The following KCNQ1 variants were observed in gnomAD, a reference collection of about 807,000 sequenced individuals.
The protein encoded by KCNQ1 is potassium voltage-gated channel subfamily KQT member 1.
KCNQ1 carries 49 observed loss-of-function variants against 72.4 expected under a neutral mutation model. The observed-to-expected ratio is 0.68, with a 90% CI of 0.54 to 0.86. The LOEUF (loss-of-function observed/expected upper bound fraction) is 0.86. Ranked by LOEUF, KCNQ1 falls within the 40% of genes least tolerant of loss-of-function variation. The probability of loss-of-function intolerance (pLI) is 0.00; values close to 1 mark genes in which losing one functional copy is unlikely to be tolerated. For synonymous variants in KCNQ1, 450 were observed against 412.6 expected (o/e 1.09, Z -1.10); for missense variants, 790 against 945.1 (o/e 0.84, Z 2.15).
In KCNQ1 at chr11:2,654,253, T is replaced by C; in HGVS notation, c.1394-7708T>C. ...GATGCCCCTGGGGAGGGCTTCTCCT[T>C]CACAGTGCAGGATCCGCAGGGCTTT... On this transcript the variant is annotated intron_variant, in intron 10 of 15. Coordinates refer to ENST00000155840, the MANE Select transcript of KCNQ1 (RefSeq NM_000218.3). This position sits in a 1 kb window ranked among gnomAD's most constrained non-coding sequence, Gnocchi z 6.4. 1 of 398,476 alleles carries C rather than the reference T, an allele frequency of 2.5e-6. No homozygotes were observed. The highest frequency in any genetic ancestry group is 4.4e-6 in the Non-Finnish European group (1 of 226,154). The allele number at this position is 398,476 out of a possible 1,614,324, so 24.7% of individuals were successfully genotyped here. A position where few individuals can be genotyped will look rare whatever the true frequency, so the allele number is the denominator to read the frequency against.
In KCNQ1 at chr11:2,817,318, C is replaced by T. The variant is rs770940186; in HGVS notation, c.1795-30449C>T. Among the ~76,000 whole-genome samples the T allele has an allele frequency of 8.9e-4, 135 of 152,260 alleles. No individual in the cohort carries two copies. The highest frequency in any genetic ancestry group is 1.6e-3 in the Non-Finnish European group (110 of 68,008). The stretch of plus-strand genomic sequence containing the variant: ...GGACAGAACCCACGGCGGCCCTTTC[C>T]GTGGCTTCAGCCAGTTTCTGAGCGC... On this transcript the variant is annotated intron_variant, in intron 15 of 15. Transcript: ENST00000155840. The surrounding 1 kb of genome is among the most constrained non-coding windows in gnomAD (Gnocchi z 6.1).
chr11:2,623,773 T>C lies in KCNQ1; in HGVS notation c.1393+34919T>C, dbSNP rs2133807416. On this transcript the variant is annotated intron_variant, in intron 10 of 15. Transcript: ENST00000155840. This position sits in a 1 kb window ranked among gnomAD's most constrained non-coding sequence, Gnocchi z 5.2. ...ATGTGAATATAAGTCTTCACCTCCT[T>C]TGAGTAAATACCAAGGATGTGATTG... The C allele has an allele frequency of 2.5e-6, 1 of 398,566 alleles. No homozygotes were observed. Among genetic ancestry groups the C allele is most frequent in the African/African-American group, 2.1e-5 (1 of 48,750 alleles). The allele number at this position is 398,566 out of a possible 1,614,324, so 24.7% of individuals were successfully genotyped here.
In KCNQ1 at chr11:2,776,889, C is replaced by T. The variant is rs562698152; in HGVS notation, c.1686-97C>T. ...CCAGAGTGGGTGGACAGTCCACTGTCTTGCCGGGCACGTCAAGCTGTCTGT... is the reference window on the plus strand; with the variant it reads ...CCAGAGTGGGTGGACAGTCCACTGTTTTGCCGGGCACGTCAAGCTGTCTGT... On this transcript the variant is annotated intron_variant, in intron 13 of 15. Coordinates refer to ENST00000155840, the MANE Select transcript of KCNQ1 (RefSeq NM_000218.3). The T allele has an allele frequency of 9.0e-5, 112 of 1,242,240 alleles. No individual in the cohort carries two copies. In the Middle Eastern group the frequency reaches 1.9e-3, roughly 21 times the overall value. The allele number at this position is 1,242,240 out of a possible 1,614,324, so 77.0% of individuals were successfully genotyped here. A position where few individuals can be genotyped will look rare whatever the true frequency, so the allele number is the denominator to read the frequency against.
At position 2,653,856 on chromosome 11, in the gene KCNQ1, C is replaced by T. The variant is rs1441452861; in HGVS notation, c.1394-8105C>T. On this transcript the variant is annotated intron_variant, in intron 10 of 15. Transcript: ENST00000155840. The surrounding 1 kb of genome is among the most constrained non-coding windows in gnomAD (Gnocchi z 5.3). ...TGGGGATGGCCAGAGGGTACCTAAA[C>T]ACTGCACACTAGGAGTGGGAAAGGA... is the stretch of plus-strand genomic sequence containing the variant. The T allele has an allele frequency of 5.0e-6, 2 of 398,496 alleles. No individual in the cohort carries two copies. The highest frequency in any genetic ancestry group is 8.8e-6 in the Non-Finnish European group (2 of 226,086). 24.7% of individuals were successfully genotyped at this position (398,496 alleles called of 1,614,324 possible).
intron 15 of KCNQ1, among the ~76,000 whole-genome samples, chr11:2,814,321 C>T (rs1024346879): frequency 8.1e-6 from 1 of 122,828 alleles, no homozygotes; most frequent in Non-Finnish European, 1.7e-5. Context: ...ATGGATGGAT[C>T]GATGGGTGTG....
intron 1 of KCNQ1, among the ~76,000 whole-genome samples, chr11:2,460,269 G>A (rs1388195141): frequency 2.0e-5 from 3 of 152,326 alleles, no homozygotes; most frequent in South Asian, 4.1e-4. Context: ...GCAGGGCGGC[G>A]GAGCCTGTGC....
intron 10 of KCNQ1, chr11:2,625,867 C>G: frequency 5.0e-6 from 2 of 398,688 alleles, no homozygotes; most frequent in Non-Finnish European, 8.8e-6. Context: ...CCGTGCCTGG[C>G]CCTTTTGCCC....
rs1329938326 is a variant in KCNQ1 at position 2,608,645 on chromosome 11, G to A, written c.1393+19791G>A. ...CCAGCTGTTATTCAAAAAATATTTT[G>A]TAGAGATAGGGTCTTGCTTTGTTGT... On this transcript the variant is annotated intron_variant, in intron 10 of 15. Coordinates refer to ENST00000155840, the MANE Select transcript of KCNQ1 (RefSeq NM_000218.3). This position sits in a 1 kb window ranked among gnomAD's most constrained non-coding sequence, Gnocchi z 4.6. 2.5e-6 allele frequency: 1 copy of A among 398,358 alleles called. No individual in the cohort carries two copies. The highest frequency in any genetic ancestry group is 2.1e-5 in the African/African-American group (1 of 48,556). The allele number at this position is 398,358 out of a possible 1,614,324, so 24.7% of individuals were successfully genotyped here. A position where few individuals can be genotyped will look rare whatever the true frequency, so the allele number is the denominator to read the frequency against.
In KCNQ1 at chr11:2,446,449, G is replaced by A. The variant is rs140674736; in HGVS notation, c.386+965G>A. On this transcript the variant is annotated intron_variant, in intron 1 of 15. Transcript: ENST00000155840. This position sits in a 1 kb window ranked among gnomAD's most constrained non-coding sequence, Gnocchi z 8.8. Reference sequence around the variant, plus strand: ...GGGCTGAAGGGTGGTCTCCCTGAGCGTCCTCAGGTGGAAGCATCTCCTCTG... The same window carrying A: ...GGGCTGAAGGGTGGTCTCCCTGAGCATCCTCAGGTGGAAGCATCTCCTCTG... 3.3e-5 allele frequency among the ~76,000 whole-genome samples: 5 copies of A among 152,296 alleles called. No homozygotes were observed. The highest frequency in any genetic ancestry group is 2.1e-4 in the South Asian group (1 of 4,826).
In KCNQ1 at chr11:2,653,338, C is replaced by T. The variant is rs186052905; in HGVS notation, c.1394-8623C>T. 1.5e-5 allele frequency: 6 copies of T among 398,742 alleles called. No individual in the cohort carries two copies. The highest frequency in any genetic ancestry group is 8.8e-5 in the Admixed American group (2 of 22,742). 24.7% of individuals were successfully genotyped at this position (398,742 alleles called of 1,614,324 possible). On this transcript the variant is annotated intron_variant, in intron 10 of 15. Transcript: ENST00000155840. The surrounding 1 kb of genome is among the most constrained non-coding windows in gnomAD (Gnocchi z 5.3). The stretch of plus-strand genomic sequence containing the variant: ...CCTTGACTGCCCCCAGGCCCATGTC[C>T]GTAGGCTCACACCTCACCCCCAACT...
chr11:2,584,524 AGT>A (rs377530797), intron 7 of KCNQ1, among the ~76,000 whole-genome samples: 409 of 128,492 alleles, frequency 3.2e-3, no homozygotes, highest in Admixed American at 0.019. Flanking sequence ...TTTGTGTGTT[AGT>A]GTGTGTGTTA....
intron 10 of KCNQ1, chr11:2,625,912 T>A (rs904351811): frequency 2.5e-6 from 1 of 398,474 alleles, no homozygotes; most frequent in Non-Finnish European, 4.4e-6. Context: ...GTGATGACTT[T>A]TAGAAGTTCT....
chr11:2,646,452 A>G (rs976411604), intron 10 of KCNQ1: 9 of 398,374 alleles, frequency 2.3e-5, no homozygotes, highest in Admixed American at 4.4e-5. Flanking sequence ...TTTTGTAGCT[A>G]TTGCAAATGG....
intron 11 of KCNQ1, chr11:2,675,949 T>C (rs141106727): frequency 5.8e-4 from 233 of 398,642 alleles, no homozygotes; most frequent in African/African-American, 4.6e-3. Flanking sequence ...GTAAAACCAA[T>C]TCAGAGTACA....
chr11:2,634,288 T>G, intron 10 of KCNQ1: 2 of 349,528 alleles, frequency 5.7e-6, no homozygotes, highest in Non-Finnish European at 5.1e-6. Flanking sequence ...TCATTTACCT[T>G]AGGTATATCT....
In KCNQ1 at chr11:2,759,640, C is replaced by A. The variant is rs1470175602; in HGVS notation, c.1515-9204C>A. On this transcript the variant is annotated intron_variant, in intron 11 of 15. Transcript: ENST00000155840. This position sits in a 1 kb window ranked among gnomAD's most constrained non-coding sequence, Gnocchi z 4.4. ...TTTTCTTTCCATCTCCACTCCCAGG[C>A]AAAGCTGATAAATTCTTCCTTATTC... Among the ~76,000 whole-genome samples, 1 of 152,200 alleles carries A rather than the reference C, an allele frequency of 6.6e-6. No individual in the cohort carries two copies. The highest frequency in any genetic ancestry group is 1.5e-5 in the Non-Finnish European group (1 of 68,032).
rs1849144486 is a variant in KCNQ1 at position 2,620,213 on chromosome 11, T to TTTTTA, written c.1393+31363_1393+31364insATTTT. 4.0e-5 allele frequency: 10 copies of TTTTTA among 247,240 alleles called. No homozygotes were observed. Among genetic ancestry groups the TTTTTA allele is most frequent in the African/African-American group, 3.0e-4 (10 of 33,760 alleles). The allele number at this position is 247,240 out of a possible 1,614,324, so 15.3% of individuals were successfully genotyped here. A position where few individuals can be genotyped will look rare whatever the true frequency, so the allele number is the denominator to read the frequency against. On this transcript the variant is annotated intron_variant, in intron 10 of 15. Coordinates refer to ENST00000155840, the MANE Select transcript of KCNQ1 (RefSeq NM_000218.3). The surrounding 1 kb of genome is among the most constrained non-coding windows in gnomAD (Gnocchi z 4.5). ...AGTTCATTCATGTATATATATATAT[T>TTTTTA]TTTTTTTTTTATTTTTTTTTTAGAC...
At chr11:2,738,015 A>C (rs1287713860) in intron 11 of KCNQ1, among the ~76,000 whole-genome samples, 10 of 152,106 alleles carry the variant, frequency 6.6e-5, no homozygotes. Flanking sequence ...GCAGGGATTC[A>C]AGGGAGAACC....
intron 1 of KCNQ1, among the ~76,000 whole-genome samples, chr11:2,456,757 TA>T (rs1353283054): frequency 1.9e-4 from 5 of 25,992 alleles, no homozygotes; most frequent in African/African-American, 1.2e-3. Flanking sequence ...CTGTCTCTAC[TA>T]AAAATCCAAA....
Sources: gnomAD v4.1 joint callset for allele counts (sites outside exome capture counted in the v4.1 genomes callset) on GRCh38, gnomAD v4.1.1 for gene constraint, Gnocchi (gnomAD v3.1) non-coding constraint, MANE v1.5 for transcripts, NCBI Gene and HGNC (gene_info 2026-07-23, HGNC 2026-07-21) for gene names.